Variants in UGT1A10 observed in about 807,000 individuals in gnomAD.
The protein encoded by UGT1A10 is UDP-glucuronosyltransferase 1A10.
A neutral mutation model predicts 45.8 loss-of-function variants in UGT1A10; 49 were observed. The observed-to-expected ratio is 1.07, with a 90% CI of 0.85 to 1.36. UGT1A10 has a LOEUF of 1.36. UGT1A10 is among the 40% of genes most tolerant of loss of function. The probability of loss-of-function intolerance (pLI) is 0.00; values close to 1 mark genes in which losing one functional copy is unlikely to be tolerated. For missense variants in UGT1A10, 745 were observed against 668.6 expected (o/e 1.11, Z -1.26); for synonymous variants, 284 against 249.7 (o/e 1.14, Z -1.29).
At chr2:233,648,711 G>T in intron 1 of UGT1A10, 4 of 424,226 alleles carry the variant, frequency 9.4e-6, no homozygotes, top group Non-Finnish European at 4.4e-6. Context: ...TGATCCGCCC[G>T]CCTTGGCCTC....
intron 1 of UGT1A10, among the ~76,000 whole-genome samples, chr2:233,662,128 T>C (rs1336179268): frequency 1.3e-5 from 2 of 152,222 alleles, no homozygotes; most frequent in African/African-American, 4.8e-5. Flanking sequence ...CTTACCTTTG[T>C]TACTTTTCTC....
At chr2:233,729,952 A>G (rs1448205377) in intron 1 of UGT1A10, 1 of 1,614,072 alleles carries the variant, frequency 6.2e-7, no homozygotes, top group African/African-American at 1.3e-5. Flanking sequence ...CATGGTCTTC[A>G]TTGGGGGCAT....
intron 1 of UGT1A10, among the ~76,000 whole-genome samples, chr2:233,723,589 G>T (rs2077103312): frequency 9.1e-6 from 1 of 109,944 alleles, no homozygotes; most frequent in Non-Finnish European, 1.8e-5. Context: ...GGGGGATTTG[G>T]CAGGGTCATG....
intron 1 of UGT1A10, chr2:233,672,597 C>T (rs2074232436): frequency 2.5e-6 from 4 of 1,613,862 alleles, no homozygotes; most frequent in Non-Finnish European, 2.5e-6. Flanking sequence ...TATTATGCCA[C>T]CGTTTTTTCA....
At chr2:233,742,595 T>C (rs1692031315) in intron 1 of UGT1A10, among the ~76,000 whole-genome samples, 1 of 151,868 alleles carries the variant, frequency 6.6e-6, no homozygotes, top group African/African-American at 2.4e-5. Flanking sequence ...CCCAGCAACC[T>C]ACCATAGTTG....
chr2:233,669,924 A>C (rs953978228), intron 1 of UGT1A10, among the ~76,000 whole-genome samples: 1 of 152,088 alleles, frequency 6.6e-6, no homozygotes, highest in African/African-American at 2.4e-5. Context: ...GCCTCCCGTG[A>C]TACGCCCACC....
At chr2:233,681,080 C>T (rs983735486) in intron 1 of UGT1A10, among the ~76,000 whole-genome samples, 2 of 151,696 alleles carry the variant, frequency 1.3e-5, no homozygotes, top group African/African-American at 4.8e-5. Flanking sequence ...AATTGTGGCT[C>T]ACCTGTGTCT....
chr2:233,642,611 G>C (rs1203695324), intron 1 of UGT1A10, among the ~76,000 whole-genome samples: 1 of 152,158 alleles, frequency 6.6e-6, no homozygotes, highest in African/African-American at 2.4e-5. Flanking sequence ...TGAAGAGTTA[G>C]GTGTTTATTG....
intron 1 of UGT1A10, among the ~76,000 whole-genome samples, chr2:233,766,688 C>T (rs1199007770): frequency 2.6e-5 from 4 of 152,166 alleles, no homozygotes; most frequent in Admixed American, 6.5e-5. Context: ...TTCTGTATCA[C>T]TGATGCCTTG....
In UGT1A10 at chr2:233,684,712, T is replaced by C. The variant is rs921329343; in HGVS notation, c.855+47335T>C. Reference sequence around the variant, plus strand: ...AGATGTGGAAGGTTATGTATTAATGTATATATTTATAAATAGAAAATAAAT... The same window carrying C: ...AGATGTGGAAGGTTATGTATTAATGCATATATTTATAAATAGAAAATAAAT... On this transcript the variant is annotated intron_variant, in intron 1 of 4. Transcript: ENST00000344644. 3.9e-5 allele frequency among the ~76,000 whole-genome samples: 6 copies of C among 152,014 alleles called. No homozygotes were observed. In the South Asian group the frequency reaches 1.2e-3, roughly 31 times the overall value.
chr2:233,643,336 C>T (rs963876545), intron 1 of UGT1A10, among the ~76,000 whole-genome samples: 2 of 152,126 alleles, frequency 1.3e-5, no homozygotes, highest in Admixed American at 1.3e-4. Flanking sequence ...GCCACTGCCA[C>T]CCCTGGCCAT....
At chr2:233,753,561 G>A (rs1235204227) in intron 1 of UGT1A10, 1 of 152,192 alleles carries the variant, frequency 6.6e-6, no homozygotes, top group African/African-American at 2.4e-5. Flanking sequence ...GACCCTAGAA[G>A]ATGGGACCCT....
rs1302197781 is a variant in UGT1A10, at chr2:233,744,044, A to G, written c.856-22990A>G. ...GAGACGCCCCTTATGACGCAGCCAC[A>G]TCTCATTGGTCGAGGCCTATGAGCG... is the stretch of plus-strand genomic sequence containing the variant. On this transcript the variant is annotated intron_variant, in intron 1 of 4. Coordinates refer to ENST00000344644, the MANE Select transcript of UGT1A10 (RefSeq NM_019075.4). 3 of 731,946 alleles carry G rather than the reference A, an allele frequency of 4.1e-6. No homozygotes were observed. In the Admixed American group the frequency reaches 1.1e-4, roughly 26 times the overall value. The allele number at this position is 731,946 out of a possible 1,614,324, so 45.3% of individuals were successfully genotyped here. A position where few individuals can be genotyped will look rare whatever the true frequency, so the allele number is the denominator to read the frequency against.
intron 1 of UGT1A10, among the ~76,000 whole-genome samples, chr2:233,676,632 G>C (rs1392619679): frequency 6.6e-6 from 1 of 152,150 alleles, no homozygotes; most frequent in Admixed American, 6.6e-5. Context: ...CGGTTTCTCA[G>C]ACTCTCCTTG....
At chr2:233,654,889 C>T (rs890854299) in intron 1 of UGT1A10, among the ~76,000 whole-genome samples, 3 of 152,120 alleles carry the variant, frequency 2.0e-5, no homozygotes, top group Non-Finnish European at 2.9e-5. Context: ...GTCAGGAGTT[C>T]GAGATCAGTC....
intron 1 of UGT1A10, among the ~76,000 whole-genome samples, chr2:233,754,048 T>C (rs1329917116): frequency 6.6e-6 from 1 of 152,254 alleles, no homozygotes; most frequent in Non-Finnish European, 1.5e-5. Flanking sequence ...TTGCCAGGTT[T>C]ACCTGCTTTT....
At chr2:233,748,449 C>G (rs756497529) in intron 1 of UGT1A10, among the ~76,000 whole-genome samples, 2 of 151,714 alleles carry the variant, frequency 1.3e-5, no homozygotes, top group Non-Finnish European at 2.9e-5. Context: ...GCACAATTTT[C>G]AGGGGAAAGA....
intron 1 of UGT1A10, chr2:233,692,763 G>A (rs542807063): frequency 8.1e-7 from 1 of 1,239,150 alleles, no homozygotes; most frequent in Admixed American, 3.5e-5. Flanking sequence ...TGGAGCTGAA[G>A]AGAAACACCC....
At chr2:233,757,332 C>A (rs1696493928) in intron 1 of UGT1A10, among the ~76,000 whole-genome samples, 1 of 150,622 alleles carries the variant, frequency 6.6e-6, no homozygotes, top group Non-Finnish European at 1.5e-5. Flanking sequence ...TGAAATGGGA[C>A]CATGACAGCT....
Sources: allele counts gnomAD v4.1 joint callset (sites outside exome capture counted in the v4.1 genomes callset), GRCh38; gene constraint gnomAD v4.1.1; transcripts MANE v1.5; gene names NCBI Gene and HGNC (gene_info 2026-07-23, HGNC 2026-07-21).